ACO1: variants seen among roughly 807,000 people sequenced by gnomAD.
The protein encoded by ACO1 is aconitase 1, also known as cytoplasmic aconitate hydratase.
ACO1 carries 78 observed loss-of-function variants against 105.1 expected under a neutral mutation model. The observed-to-expected ratio is 0.74, with a 90% CI of 0.62 to 0.90. The LOEUF is 0.90. Ranked by LOEUF, ACO1 falls within the 40% of genes least tolerant of loss-of-function variation. ACO1 has a pLI of 0.00. For synonymous variants in ACO1, 364 were observed against 397.4 expected (o/e 0.92, Z 1.00); for missense variants, 965 against 1,111.1 (o/e 0.87, Z 1.87).
chr9:32,438,620 G>C (rs957967801), intron 18 of ACO1, among the ~76,000 whole-genome samples: 1 of 152,182 alleles, frequency 6.6e-6, no homozygotes, highest in East Asian at 1.9e-4. Flanking sequence ...GAAAAACATA[G>C]AAAAAATGAA....
At chr9:32,423,499 T>A (rs1035346104) in intron 9 of ACO1, 80 bp downstream of exon 9, 1 of 975,120 alleles carries the variant, frequency 1.0e-6, no homozygotes, top group Admixed American at 2.3e-5. Context: ...CTTGGGGGAA[T>A]GCGCTAGTAG....
rs1212358870 is a variant in ACO1, at chr9:32,450,700, T to C, written c.*589T>C. 1 of 152,220 alleles carries C rather than the reference T, an allele frequency of 6.6e-6. No homozygotes were observed. The highest frequency in any genetic ancestry group is 1.5e-5 in the Non-Finnish European group (1 of 68,150). The allele number at this position is 152,220 out of a possible 1,614,324, so 9.4% of individuals were successfully genotyped here. A position where few individuals can be genotyped will look rare whatever the true frequency, so the allele number is the denominator to read the frequency against. On this transcript the variant is annotated 3_prime_UTR_variant, in exon 21 of 21. Coordinates refer to ENST00000309951, the MANE Select transcript of ACO1 (RefSeq NM_002197.3). ...AAAGTTGTTTTGATTATGTACCTTT[T>C]GATAGATCCACATAAAAAGAAATGT...
Position 32,454,478 on chromosome 9 carries a change from A to G in ACO1, c.*4367A>G, listed in dbSNP as rs1249366019. On this transcript the variant is annotated 3_prime_UTR_variant, in exon 21 of 21. Coordinates refer to ENST00000309951, the MANE Select transcript of ACO1 (RefSeq NM_002197.3). Reference sequence around the variant, plus strand: ...AGAGATAACAAGGTGGTAGTTGTGTAACAGGTTGTGTCTGAACCACAGGAG... The same window carrying G: ...AGAGATAACAAGGTGGTAGTTGTGTGACAGGTTGTGTCTGAACCACAGGAG... The G allele has an allele frequency of 6.6e-6, 1 of 152,090 alleles. No homozygotes were observed. Among genetic ancestry groups the G allele is most frequent in the Non-Finnish European group, 1.5e-5 (1 of 68,016 alleles). 9.4% of individuals were successfully genotyped at this position (152,090 alleles called of 1,614,324 possible). A position where few individuals can be genotyped will look rare whatever the true frequency, so the allele number is the denominator to read the frequency against.
At chr9:32,421,417 A>T (rs1234216848) in intron 8 of ACO1, among the ~76,000 whole-genome samples, 1 of 152,210 alleles carries the variant, frequency 6.6e-6, no homozygotes, top group Non-Finnish European at 1.5e-5. Context: ...CTAGTTAATT[A>T]ACATTAGAGA....
chr9:32,442,371 G>A (rs1040070387), intron 19 of ACO1, among the ~76,000 whole-genome samples: 1 of 152,062 alleles, frequency 6.6e-6, no homozygotes, highest in Non-Finnish European at 1.5e-5. Context: ...AAGTGACCCT[G>A]GTGTTGGGCA....
chr9:32,393,879 C>T (rs11999515), intron 1 of ACO1, among the ~76,000 whole-genome samples: 314 of 152,192 alleles, frequency 2.1e-3, no homozygotes, highest in African/African-American at 7.0e-3. Flanking sequence ...GTAATAACAC[C>T]GTAACCTGCC....
At chr9:32,438,529 T>C (rs1328819922) in intron 18 of ACO1, among the ~76,000 whole-genome samples, 1 of 152,166 alleles carries the variant, frequency 6.6e-6, no homozygotes, top group Non-Finnish European at 1.5e-5. Flanking sequence ...TTTAAAATGG[T>C]AAATTGCCTG....
At chr9:32,427,230 C>G in intron 11 of ACO1, 71 bp from the exon 12 acceptor site, 1 of 1,570,722 alleles carries the variant, frequency 6.4e-7, no homozygotes, top group East Asian at 2.3e-5. Context: ...AAATCAGGCT[C>G]TTTTCTGAAG....
At chr9:32,432,292 T>G (rs1385253704) in intron 15 of ACO1, among the ~76,000 whole-genome samples, 1 of 152,192 alleles carries the variant, frequency 6.6e-6, no homozygotes, top group Non-Finnish European at 1.5e-5. Context: ...ACTACTGAAA[T>G]AAAACTTTCC....
At chr9:32,438,873 A>T (rs1822419285) in intron 18 of ACO1, among the ~76,000 whole-genome samples, 1 of 152,230 alleles carries the variant, frequency 6.6e-6, no homozygotes, top group Non-Finnish European at 1.5e-5. Flanking sequence ...GTAAATCCTC[A>T]AAGTAGAATA....
chr9:32,422,165 A>C (rs989952960), intron 8 of ACO1, among the ~76,000 whole-genome samples: 2 of 152,214 alleles, frequency 1.3e-5, no homozygotes, highest in African/African-American at 2.4e-5. Context: ...TCTAGAGGGA[A>C]GGTTAGTTGG....
At chr9:32,408,114 C>G (rs772842188) in intron 3 of ACO1, among the ~76,000 whole-genome samples, 11 of 152,128 alleles carry the variant, frequency 7.2e-5, no homozygotes, top group Non-Finnish European at 1.5e-5. Context: ...ATATCCATTC[C>G]TTGAAATCTG....
intron 19 of ACO1, 79 bp from the exon 20 acceptor site, chr9:32,448,817 T>G: frequency 1.3e-6 from 2 of 1,512,102 alleles, no homozygotes; most frequent in Non-Finnish European, 1.8e-6. Context: ...ATGCCAGCTC[T>G]CTCACAAAGT....
intron 1 of ACO1, among the ~76,000 whole-genome samples, chr9:32,391,997 G>C (rs546738283): frequency 6.6e-6 from 1 of 152,202 alleles, no homozygotes; most frequent in South Asian, 2.1e-4. Context: ...TGCTAATAAT[G>C]CCTATATTAT....
chr9:32,395,996 G>A (rs989048393), intron 1 of ACO1, among the ~76,000 whole-genome samples: 1 of 152,212 alleles, frequency 6.6e-6, no homozygotes, highest in South Asian at 2.1e-4. Flanking sequence ...GGGCTGCCTG[G>A]TCAGGCATTG....
intron 1 of ACO1, among the ~76,000 whole-genome samples, chr9:32,388,010 A>G (rs950258037): frequency 3.9e-5 from 6 of 152,232 alleles, no homozygotes; most frequent in African/African-American, 1.4e-4. Flanking sequence ...CAATCATGGA[A>G]GACTCCATAG....
At chr9:32,392,036 C>T (rs980747681) in intron 1 of ACO1, among the ~76,000 whole-genome samples, 5 of 152,110 alleles carry the variant, frequency 3.3e-5, no homozygotes, top group African/African-American at 1.2e-4. Context: ...TAAAAGTTAC[C>T]ATACAAATTT....
intron 18 of ACO1, 39 bp downstream of exon 18, chr9:32,436,436 TG>T (rs1439248180): frequency 6.2e-7 from 1 of 1,605,800 alleles, no homozygotes. Context: ...CACTAGCATT[TG>T]TCAGCCTTGG....
In ACO1 at chr9:32,439,485, G is replaced by A. The variant is rs1189048719; in HGVS notation, c.2248-980G>A. ...GGAATTTTATCTTCTGACTTACATA[G>A]CCTGGAAAAATAATGGTACTGCTCA... On this transcript the variant is annotated intron_variant, in intron 18 of 20. Transcript: ENST00000309951. This position sits in a 1 kb window ranked among gnomAD's most constrained non-coding sequence, Gnocchi z 4.0. Among the ~76,000 whole-genome samples the A allele has an allele frequency of 6.6e-6, 1 of 152,078 alleles. No homozygotes were observed. The highest frequency in any genetic ancestry group is 1.9e-4 in the East Asian group (1 of 5,170).
Sources: gnomAD v4.1 joint callset for allele counts (sites outside exome capture counted in the v4.1 genomes callset) on GRCh38, gnomAD v4.1.1 for gene constraint, Gnocchi (gnomAD v3.1) non-coding constraint, MANE v1.5 for transcripts, NCBI Gene and HGNC (gene_info 2026-07-23, HGNC 2026-07-21) for gene names.